Variants in GDF11 observed in about 807,000 individuals in gnomAD.
GDF11 encodes the protein growth differentiation factor 11.
In GDF11, 12 loss-of-function variants were observed where a neutral mutation model predicts 34.4. The ratio of observed to expected loss-of-function variants is 0.35; its 90% confidence interval spans 0.22 to 0.57. The LOEUF (loss-of-function observed/expected upper bound fraction) is 0.57. Among genes scored for constraint, GDF11 ranks in the 20% least tolerant of loss-of-function variants. GDF11 has a pLI of 0.86. For synonymous variants in GDF11, 212 were observed against 231.1 expected (o/e 0.92, Z 0.75); for missense variants, 346 against 548.2 (o/e 0.63, Z 3.68).
intron 1 of GDF11, among the ~76,000 whole-genome samples, chr12:55,746,566 C>A (rs144893600): frequency 6.6e-6 from 1 of 152,332 alleles, no homozygotes; most frequent in Non-Finnish European, 1.5e-5. Context: ...TGACTGTCCC[C>A]TGTCCACTGG....
chr12:55,748,500 A>G lies in GDF11; in HGVS notation c.446-86A>G. ...AGAAGAACTGGAAAATCAGGCTGAG[A>G]AGTCCAAAATTGCCAGTGCCACCCA... On this transcript the variant is annotated intron_variant, in intron 1 of 2. Transcript: ENST00000257868. This position sits in a 1 kb window ranked among gnomAD's most constrained non-coding sequence, Gnocchi z 5.6. 2.4e-6 allele frequency: 3 copies of G among 1,240,264 alleles called. No homozygotes were observed. Among genetic ancestry groups the G allele is most frequent in the Non-Finnish European group, 3.4e-6 (3 of 889,664 alleles). 76.8% of individuals were successfully genotyped at this position (1,240,264 alleles called of 1,614,324 possible).
At position 55,750,686 on chromosome 12, in the gene GDF11, T is replaced by C. The variant is rs1051222239; in HGVS notation, c.*804T>C. The C allele has an allele frequency of 6.6e-6, 1 of 152,166 alleles. No homozygotes were observed. Among genetic ancestry groups the C allele is most frequent in the Admixed American group, 6.5e-5 (1 of 15,276 alleles). 9.4% of individuals were successfully genotyped at this position (152,166 alleles called of 1,614,324 possible). On this transcript the variant is annotated 3_prime_UTR_variant, in exon 3 of 3. Transcript: ENST00000257868. ...AACCCATCATCACCCTAACTCAACCTTTTCTGAGCCAAATGGCTTGAATTG... is the reference window on the plus strand; with the variant it reads ...AACCCATCATCACCCTAACTCAACCCTTTCTGAGCCAAATGGCTTGAATTG...
intron 1 of GDF11, among the ~76,000 whole-genome samples, chr12:55,744,149 T>C (rs759097384): frequency 1.3e-5 from 2 of 152,222 alleles, no homozygotes; most frequent in Non-Finnish European, 2.9e-5. Context: ...CAGCCCCAGC[T>C]GGACTGCAGT....
At chr12:55,744,894 CACCCCCA>C (rs1878148269) in intron 1 of GDF11, among the ~76,000 whole-genome samples, 2 of 152,152 alleles carry the variant, frequency 1.3e-5, no homozygotes, top group Non-Finnish European at 2.9e-5. Context: ...CCCAGTGGCC[CACCCCCA>C]TGGGAGAGGC....
At position 55,748,473 on chromosome 12, in the gene GDF11, A is replaced by C; in HGVS notation, c.446-113A>C. On this transcript the variant is annotated intron_variant, in intron 1 of 2. Transcript: ENST00000257868. This position sits in a 1 kb window ranked among gnomAD's most constrained non-coding sequence, Gnocchi z 5.6. ...TATAAGATAGGCATGGGAGAAGGGTAAAGAAGAACTGGAAAATCAGGCTGA... is the reference window on the plus strand; with the variant it reads ...TATAAGATAGGCATGGGAGAAGGGTCAAGAAGAACTGGAAAATCAGGCTGA... 2.2e-6 allele frequency: 2 copies of C among 896,536 alleles called. No homozygotes were observed. The highest frequency in any genetic ancestry group is 1.7e-6 in the Non-Finnish European group (1 of 580,704). The allele number at this position is 896,536 out of a possible 1,614,324, so 55.5% of individuals were successfully genotyped here.
rs1175489708 is a variant in GDF11, at chr12:55,752,933, G to A, written c.*3051G>A. On this transcript the variant is annotated 3_prime_UTR_variant, in exon 3 of 3. Coordinates refer to ENST00000257868, the MANE Select transcript of GDF11 (RefSeq NM_005811.5). ...TGCCACATTTACACCTTGGAGAACC[G>A]GAGGTGAAGAGGATCTGAGACAGGA... 6.6e-6 allele frequency: 1 copy of A among 152,166 alleles called. No individual in the cohort carries two copies. The highest frequency in any genetic ancestry group is 2.4e-5 in the African/African-American group (1 of 41,434). The allele number at this position is 152,166 out of a possible 1,614,324, so 9.4% of individuals were successfully genotyped here.
In GDF11 at chr12:55,749,356, A is replaced by G. The variant is rs964524241; in HGVS notation, c.844-146A>G. On this transcript the variant is annotated intron_variant, in intron 2 of 2. Transcript: ENST00000257868. The surrounding 1 kb of genome is among the most constrained non-coding windows in gnomAD (Gnocchi z 5.6). Reference sequence around the variant, plus strand: ...AGCTAGCTGGCAAGAAAAGTGGGCAAAAGATAAATTCTGGGGGTGGGAGCA... The same window carrying G: ...AGCTAGCTGGCAAGAAAAGTGGGCAGAAGATAAATTCTGGGGGTGGGAGCA... 2 of 884,548 alleles carry G rather than the reference A, an allele frequency of 2.3e-6. No individual in the cohort carries two copies. Among genetic ancestry groups the G allele is most frequent in the African/African-American group, 3.4e-5 (2 of 59,556 alleles). The allele number at this position is 884,548 out of a possible 1,614,324, so 54.8% of individuals were successfully genotyped here.
intron 1 of GDF11, among the ~76,000 whole-genome samples, chr12:55,744,703 C>T (rs1878143262): frequency 6.7e-6 from 1 of 149,776 alleles, no homozygotes; most frequent in Admixed American, 6.6e-5. Context: ...ACTGAGGTCT[C>T]CCCCCCTCCC....
In GDF11 at chr12:55,748,459, C is replaced by A; in HGVS notation, c.446-127C>A. On this transcript the variant is annotated intron_variant, in intron 1 of 2. Coordinates refer to ENST00000257868, the MANE Select transcript of GDF11 (RefSeq NM_005811.5). The surrounding 1 kb of genome is among the most constrained non-coding windows in gnomAD (Gnocchi z 5.6). ...TACCGGAGACATGGTATAAGATAGG[C>A]ATGGGAGAAGGGTAAAGAAGAACTG... The A allele has an allele frequency of 3.9e-6, 3 of 777,734 alleles. No homozygotes were observed. Among genetic ancestry groups the A allele is most frequent in the Non-Finnish European group, 6.3e-6 (3 of 474,064 alleles). The allele number at this position is 777,734 out of a possible 1,614,324, so 48.2% of individuals were successfully genotyped here. A position where few individuals can be genotyped will look rare whatever the true frequency, so the allele number is the denominator to read the frequency against.
chr12:55,743,797 G>T, intron 1 of GDF11, 36 bp downstream of exon 1: 1 of 1,465,186 alleles, frequency 6.8e-7, no homozygotes, highest in South Asian at 1.3e-5. Flanking sequence ...GTGGGGTGCT[G>T]GCTCTGGCCC....
rs1878222276 is a variant in GDF11 at position 55,748,120 on chromosome 12, G to A, written c.446-466G>A. ...TTATCCCCTCTCTGAGGCCATCTGT[G>A]TTATTTTGTGGGGGAGGGATGTGCC... On this transcript the variant is annotated intron_variant, in intron 1 of 2. Transcript: ENST00000257868. The surrounding 1 kb of genome is among the most constrained non-coding windows in gnomAD (Gnocchi z 5.6). Among the ~76,000 whole-genome samples the A allele has an allele frequency of 6.6e-6, 1 of 152,186 alleles. No individual in the cohort carries two copies. The highest frequency in any genetic ancestry group is 1.5e-5 in the Non-Finnish European group (1 of 68,026).
rs1171518339 is a variant in GDF11 at position 55,748,523 on chromosome 12, C to T, written c.446-63C>T. 1.1e-5 allele frequency: 17 copies of T among 1,480,640 alleles called. No homozygotes were observed. In the African/African-American group the frequency reaches 2.4e-4, roughly 21 times the overall value. 91.7% of individuals were successfully genotyped at this position (1,480,640 alleles called of 1,614,324 possible). A position where few individuals can be genotyped will look rare whatever the true frequency, so the allele number is the denominator to read the frequency against. On this transcript the variant is annotated intron_variant, in intron 1 of 2. Coordinates refer to ENST00000257868, the MANE Select transcript of GDF11 (RefSeq NM_005811.5). The surrounding 1 kb of genome is among the most constrained non-coding windows in gnomAD (Gnocchi z 5.6). ...AGAAGTCCAAAATTGCCAGTGCCAC[C>T]CAGGACTACTGATCCCCTACACAAA...
rs555558984 is a variant in GDF11 at position 55,748,706 on chromosome 12, G to A, written c.566G>A (p.Arg189His). 1.2e-5 allele frequency: 20 copies of A among 1,613,828 alleles called. No homozygotes were observed. Among genetic ancestry groups the A allele is most frequent in the Admixed American group, 5.0e-5 (3 of 60,030 alleles). Reference protein sequence around the residue: ...QLWVYLRPVPRPATVYLQILR... With the variant: ...QLWVYLRPVPHPATVYLQILR... ...TGGGTGTACCTACGGCCTGTACCCC[G>A]CCCAGCCACAGTCTACCTGCAGATC... is the stretch of plus-strand genomic sequence containing the variant. Residue 189 changes from arginine to histidine, a missense_variant, in exon 2 of 3, where the codon CGC (arginine) becomes CAC (histidine). Arg to His is a conservative substitution (Grantham distance 29, BLOSUM62 0). This residue lies in a region of GDF11 where 205 missense variants were observed against 311.3 expected (regional missense o/e 0.66). Coordinates refer to ENST00000257868, the MANE Select transcript of GDF11 (RefSeq NM_005811.5). The surrounding 1 kb of genome is among the most constrained non-coding windows in gnomAD (Gnocchi z 5.6).
rs1878419361 is a variant in GDF11, at chr12:55,753,863, C to T, written c.*3981C>T. 1 of 151,610 alleles carries T rather than the reference C, an allele frequency of 6.6e-6. No individual in the cohort carries two copies. Among genetic ancestry groups the T allele is most frequent in the African/African-American group, 2.4e-5 (1 of 41,198 alleles). 9.4% of individuals were successfully genotyped at this position (151,610 alleles called of 1,614,324 possible). On this transcript the variant is annotated 3_prime_UTR_variant, in exon 3 of 3. Coordinates refer to ENST00000257868, the MANE Select transcript of GDF11 (RefSeq NM_005811.5). ...TCAGGAGGCTGTGGCAGGAGGACCACTTGAGGCCAGAGGGTCAAGGCTGCA... is the reference window on the plus strand; with the variant it reads ...TCAGGAGGCTGTGGCAGGAGGACCATTTGAGGCCAGAGGGTCAAGGCTGCA...
chr12:55,744,810 T>C (rs1173650919), intron 1 of GDF11, among the ~76,000 whole-genome samples: 3 of 151,942 alleles, frequency 2.0e-5, no homozygotes, highest in Non-Finnish European at 4.4e-5. Context: ...TTTGGTTTTA[T>C]GGCTGTGAAC....
At chr12:55,744,707 C>T (rs530599439) in intron 1 of GDF11, among the ~76,000 whole-genome samples, 13 of 151,426 alleles carry the variant, frequency 8.6e-5, no homozygotes, top group Admixed American at 4.6e-4. Flanking sequence ...AGGTCTCCCC[C>T]CCTCCCCAAC....
chr12:55,751,035 A>C lies in GDF11; in HGVS notation c.*1153A>C, dbSNP rs1228693280. On this transcript the variant is annotated 3_prime_UTR_variant, in exon 3 of 3. Coordinates refer to ENST00000257868, the MANE Select transcript of GDF11 (RefSeq NM_005811.5). ...AGAGGTCAAGAAAGGAGCAGTAAGG[A>C]GGCTGAAGGTTACAGGGCATTTGAA... 1 of 152,236 alleles carries C rather than the reference A, an allele frequency of 6.6e-6. No individual in the cohort carries two copies. The highest frequency in any genetic ancestry group is 1.5e-5 in the Non-Finnish European group (1 of 68,084). The allele number at this position is 152,236 out of a possible 1,614,324, so 9.4% of individuals were successfully genotyped here. A position where few individuals can be genotyped will look rare whatever the true frequency, so the allele number is the denominator to read the frequency against.
chr12:55,743,601 C>G lies in GDF11; in HGVS notation c.285C>G (p.Ile95Met). 1 of 1,605,224 alleles carries G rather than the reference C, an allele frequency of 6.2e-7. No individual in the cohort carries two copies. The highest frequency in any genetic ancestry group is 8.5e-7 in the Non-Finnish European group (1 of 1,179,820). ...SKLRLKEAPN[I>M]SREVVKQLLP... ...TGCGGCTCAAGGAGGCGCCCAACATCAGCCGCGAGGTGGTGAAGCAGCTGC... is the reference window on the plus strand; with the variant it reads ...TGCGGCTCAAGGAGGCGCCCAACATGAGCCGCGAGGTGGTGAAGCAGCTGC... Residue 95 changes from isoleucine (I) to methionine (M), a missense_variant, in exon 1 of 3, where the codon ATC becomes ATG. Coordinates refer to ENST00000257868, the MANE Select transcript of GDF11 (RefSeq NM_005811.5).
rs1285575251 is a variant in GDF11, at chr12:55,754,535, CCTTTT to C, written c.*4659_*4663del. ...GAGGGAGTGAATGGGACTCTTTCTGCCTTTTCTTTTTCTCAAAATACGACTGCATT... is the reference window on the plus strand; with the variant it reads ...GAGGGAGTGAATGGGACTCTTTCTGCCTTTTTCTCAAAATACGACTGCATT... On this transcript the variant is annotated 3_prime_UTR_variant, in exon 3 of 3. Transcript: ENST00000257868. 2.0e-5 allele frequency: 3 copies of C among 152,180 alleles called. No homozygotes were observed. Among genetic ancestry groups the C allele is most frequent in the African/African-American group, 7.2e-5 (3 of 41,428 alleles). 9.4% of individuals were successfully genotyped at this position (152,180 alleles called of 1,614,324 possible).
Sources: allele counts gnomAD v4.1 joint callset (sites outside exome capture counted in the v4.1 genomes callset), GRCh38; gene constraint gnomAD v4.1.1; regional missense constraint gnomAD v4.1.1; non-coding constraint Gnocchi (gnomAD v3.1); transcripts MANE v1.5; gene names NCBI Gene and HGNC (gene_info 2026-07-23, HGNC 2026-07-21).